Variants in BBS12 observed in about 807,000 individuals in gnomAD.
The protein encoded by BBS12 is chaperonin-containing T-complex member BBS12.
In BBS12, 5 loss-of-function variants were observed where a neutral mutation model predicts 5.6. That is an observed-to-expected ratio of 0.89 (90% confidence interval 0.46 to 1.86). The LOEUF (loss-of-function observed/expected upper bound fraction) is 1.86. Ranked by LOEUF, BBS12 falls within the 40% of genes most tolerant of loss-of-function variation. The probability of loss-of-function intolerance (pLI) is 0.01; values close to 1 mark genes in which losing one functional copy is unlikely to be tolerated. For missense variants in BBS12, 748 were observed against 830.4 expected, an observed-to-expected ratio of 0.90 and a Z score of 1.22; for synonymous variants, 308 against 306.8, an observed-to-expected ratio of 1.00 and a Z score of -0.04.
chr4:122,732,221 GAT>G (rs796978545), upstream of BBS12: 1 of 152,324 alleles, frequency 6.6e-6, no homozygotes, highest in African/African-American at 2.4e-5. Flanking sequence ...ATGGGTGAAA[GAT>G]AAATTATATA....
upstream of BBS12, chr4:122,731,405 T>G (rs1020033016): frequency 6.6e-6 from 1 of 152,188 alleles, no homozygotes; most frequent in South Asian, 2.1e-4. Flanking sequence ...ATTACTACCC[T>G]GAAAACATAT....
At chr4:122,718,912 C>CG in the BBS12 span, among the ~76,000 whole-genome samples, 88 of 151,868 alleles carry the variant, frequency 5.8e-4, no homozygotes, top group South Asian at 2.7e-3. Flanking sequence ...TCTGCCTTCC[C>CG]GGGTTCACGC....
At chr4:122,709,063 A>G in the BBS12 span, among the ~76,000 whole-genome samples, 1 of 152,096 alleles carries the variant, frequency 6.6e-6, no homozygotes, top group Non-Finnish European at 1.5e-5. Context: ...GTCTGTGTAG[A>G]CGTGTGTGTG....
the BBS12 span, among the ~76,000 whole-genome samples, chr4:122,707,054 CTTTTTTTTTT>C: frequency 4.2e-5 from 3 of 72,250 alleles, no homozygotes; most frequent in African/African-American, 6.4e-5. Flanking sequence ...CTCTCTCTCT[CTTTTTTTTTT>C]TTTTTTTTTT....
the BBS12 span, among the ~76,000 whole-genome samples, chr4:122,727,530 ACCGCCCC>A: frequency 5.9e-4 from 72 of 121,194 alleles, no homozygotes; most frequent in Admixed American, 3.5e-3. Flanking sequence ...GGCATGAGCC[ACCGCCCC>A]TGGCCAATTT....
the BBS12 span, among the ~76,000 whole-genome samples, chr4:122,707,586 T>G: frequency 6.6e-6 from 1 of 152,198 alleles, no homozygotes; most frequent in South Asian, 2.1e-4. Flanking sequence ...CTTTTAATAT[T>G]CTCTCAGAAA....
chr4:122,733,414 C>CACACAG (rs1800734177), intron 1 of BBS12, among the ~76,000 whole-genome samples: 2 of 148,836 alleles, frequency 1.3e-5, no homozygotes, highest in Non-Finnish European at 3.0e-5. Context: ...CACACACACA[C>CACACAG]ACACACACAC....
chr4:122,721,432 G>A, the BBS12 span, among the ~76,000 whole-genome samples: 1 of 152,156 alleles, frequency 6.6e-6, no homozygotes, highest in Non-Finnish European at 1.5e-5. Flanking sequence ...AATGTTAACC[G>A]TAATAACTCT....
chr4:122,731,760 C>T (rs972581813), upstream of BBS12: 4 of 152,196 alleles, frequency 2.6e-5, no homozygotes, highest in Admixed American at 2.6e-4. Flanking sequence ...AAGAGCTTCT[C>T]TCTTTTCTAT....
At position 122,743,113 on chromosome 4, in the gene BBS12, C is replaced by G. The variant is rs1346644249; in HGVS notation, c.1221C>G (p.Phe407Leu). 6.2e-7 allele frequency: 1 copy of G among 1,614,094 alleles called. No individual in the cohort carries two copies. The highest frequency in any genetic ancestry group is 2.2e-5 in the East Asian group (1 of 44,902). The stretch of plus-strand genomic sequence containing the variant: ...ACGTGTTACAGGTGTTAATCCAGTT[C>G]AAGGTGAACCTTGTCCTGGTACAAG... Reference protein sequence around the residue: ...ANHVLQVLIQFKVNLVLVQGN... With the variant: ...ANHVLQVLIQLKVNLVLVQGN... The change falls in exon 2 of 2, where the codon TTC becomes TTG. Residue 407 changes from phenylalanine to leucine, a missense_variant. Physicochemically the swap from Phe to Leu is conservative, Grantham distance 22 (BLOSUM62 0). Coordinates refer to ENST00000314218, the MANE Select transcript of BBS12 (RefSeq NM_152618.3).
At chr4:122,717,373 C>G in the BBS12 span, among the ~76,000 whole-genome samples, 1 of 152,146 alleles carries the variant, frequency 6.6e-6, no homozygotes, top group Admixed American at 6.5e-5. Context: ...ACTGAATTTA[C>G]AGAGATTTAA....
chr4:122,729,154 A>C (rs1265371236), upstream of BBS12: 1 of 152,668 alleles, frequency 6.6e-6, no homozygotes, highest in Non-Finnish European at 1.5e-5. Context: ...CCCCTCCCCC[A>C]CAGGAGACAG....
chr4:122,705,467 A>G, the BBS12 span, among the ~76,000 whole-genome samples: 1 of 152,358 alleles, frequency 6.6e-6, no homozygotes, highest in African/African-American at 2.4e-5. Flanking sequence ...AAAAATTTCT[A>G]AAGCTAACTG....
intron 1 of BBS12, among the ~76,000 whole-genome samples, chr4:122,736,640 A>T (rs968251608): frequency 1.3e-5 from 2 of 152,190 alleles, no homozygotes; most frequent in African/African-American, 4.8e-5. Context: ...TGTGGAAAAC[A>T]TTGGTGCATA....
At chr4:122,730,558 AG>A (rs1456253511), upstream of BBS12, 3 of 152,306 alleles carry the variant, frequency 2.0e-5, no homozygotes, top group African/African-American at 7.2e-5. Context: ...AATAACGAGT[AG>A]TCTTTTTCAT....
chr4:122,736,840 C>T (rs1343909654), intron 1 of BBS12, among the ~76,000 whole-genome samples: 4 of 152,004 alleles, frequency 2.6e-5, no homozygotes, highest in African/African-American at 7.3e-5. Flanking sequence ...TAATTATAGC[C>T]GACTGTAACC....
In BBS12 at chr4:122,743,466, G is replaced by A. The variant is rs776730549; in HGVS notation, c.1574G>A (p.Arg525His). ...GATAGGTTCTGGACATGTGCCTATC[G>A]TTTGTATTATGCTCTAAAAGAGGAA... ...KEDRFWTCAY[R>H]LYYALKEEKV... The change falls in exon 2 of 2, where the codon CGT becomes CAT. Residue 525 changes from arginine to histidine, a missense_variant. Physicochemically the swap from Arg to His is conservative, Grantham distance 29. Coordinates refer to ENST00000314218, the MANE Select transcript of BBS12 (RefSeq NM_152618.3). The A allele has an allele frequency of 2.4e-5, 39 of 1,614,212 alleles. No homozygotes were observed. The highest frequency in any genetic ancestry group is 4.4e-5 in the South Asian group (4 of 91,086).
the BBS12 span, among the ~76,000 whole-genome samples, chr4:122,725,027 G>A: frequency 6.6e-6 from 1 of 151,896 alleles, no homozygotes; most frequent in Non-Finnish European, 1.5e-5. Flanking sequence ...CTACAGTCTG[G>A]TAAGAGTCAT....
chr4:122,706,067 G>A, the BBS12 span, among the ~76,000 whole-genome samples: 3 of 152,144 alleles, frequency 2.0e-5, no homozygotes, highest in Non-Finnish European at 4.4e-5. Flanking sequence ...CCTTTCCTAA[G>A]TGGGCAGAAT....
Sources: gnomAD v4.1 joint callset for allele counts (sites outside exome capture counted in the v4.1 genomes callset) on GRCh38, gnomAD v4.1.1 for gene constraint, MANE v1.5 for transcripts, NCBI Gene and HGNC (gene_info 2026-07-23, HGNC 2026-07-21) for gene names.